AKR1E2: variants seen among roughly 807,000 people sequenced by gnomAD.
AKR1E2 encodes the protein 1,5-anhydro-D-fructose reductase.
AKR1E2 carries 43 observed loss-of-function variants against 41.9 expected under a neutral mutation model. That is an observed-to-expected ratio of 1.03 (90% confidence interval 0.80 to 1.32). AKR1E2 has a LOEUF of 1.32. AKR1E2 is among the 40% of genes most tolerant of loss of function. AKR1E2 has a pLI of 0.00. For missense variants in AKR1E2, 423 were observed against 396.5 expected, an observed-to-expected ratio of 1.07 and a Z score of -0.57; for synonymous variants, 121 against 138.9, an observed-to-expected ratio of 0.87 and a Z score of 0.91.
In AKR1E2 at chr10:4,833,480, GGTAGTTCGTTCT is replaced by G. The variant is rs1157211588; in HGVS notation, c.324+16_324+27del. The G allele has an allele frequency of 2.5e-6, 4 of 1,605,776 alleles. No individual in the cohort carries two copies. Among genetic ancestry groups the G allele is most frequent in the Non-Finnish European group, 3.4e-6 (4 of 1,172,400 alleles). ...ATGGGTTTCAAGGTACCGTTCAGTAGGTAGTTCGTTCTGCAGTTTGCAGGACCTTCCTCCCCG... is the reference window on the plus strand; with the variant it reads ...ATGGGTTTCAAGGTACCGTTCAGTAGGCAGTTTGCAGGACCTTCCTCCCCG... On this transcript the variant is annotated intron_variant, in intron 3 of 9. Transcript: ENST00000298375.
the AKR1E2 span, among the ~76,000 whole-genome samples, chr10:4,866,726 C>G: frequency 1.1e-4 from 16 of 150,462 alleles, no homozygotes; most frequent in Non-Finnish European, 2.4e-4. Flanking sequence ...CTGCAGGCTC[C>G]GGGAGCAGAG....
At chr10:4,836,298 C>T (rs1203560872) in intron 4 of AKR1E2, among the ~76,000 whole-genome samples, 4 of 152,060 alleles carry the variant, frequency 2.6e-5, no homozygotes, top group African/African-American at 7.2e-5. Flanking sequence ...AGTGTCAGCC[C>T]ATTTCCAGGG....
chr10:4,867,880 G>A, the AKR1E2 span, among the ~76,000 whole-genome samples: 2 of 152,102 alleles, frequency 1.3e-5, no homozygotes, highest in African/African-American at 2.4e-5. Flanking sequence ...TCTTTGTAAC[G>A]AAAACCTTGG....
At chr10:4,854,100 T>G in the AKR1E2 span, among the ~76,000 whole-genome samples, 2 of 150,624 alleles carry the variant, frequency 1.3e-5, no homozygotes, top group East Asian at 1.9e-4. Context: ...TTTTTTTTTT[T>G]TTTTTTTTTT....
chr10:4,865,493 G>C, the AKR1E2 span, among the ~76,000 whole-genome samples: 6 of 151,906 alleles, frequency 3.9e-5, no homozygotes, highest in Admixed American at 2.6e-4. Context: ...TAAATGAACA[G>C]GTAATTTTCA....
chr10:4,842,303 T>C (rs991128740), intron 7 of AKR1E2, 118 bp from the exon 8 acceptor site: 5 of 829,928 alleles, frequency 6.0e-6, no homozygotes, highest in South Asian at 3.2e-5. Flanking sequence ...CCAGTAACAA[T>C]AGCTGCTGTC....
chr10:4,858,670 T>C, the AKR1E2 span, among the ~76,000 whole-genome samples: 2 of 152,210 alleles, frequency 1.3e-5, no homozygotes, highest in African/African-American at 2.4e-5. Context: ...ATGTTCTATA[T>C]GGTGTTTCAA....
chr10:4,861,375 C>A, the AKR1E2 span, among the ~76,000 whole-genome samples: 1 of 152,000 alleles, frequency 6.6e-6, no homozygotes, highest in Non-Finnish European at 1.5e-5. Context: ...TCTTCTTCTT[C>A]TTTTTCTTTT....
the AKR1E2 span, among the ~76,000 whole-genome samples, chr10:4,853,944 C>T: frequency 6.6e-6 from 1 of 152,160 alleles, no homozygotes; most frequent in Admixed American, 6.5e-5. Context: ...CAGGGAGCTA[C>T]CCTATAGGGT....
chr10:4,844,052 T>G (rs923158846), intron 8 of AKR1E2, among the ~76,000 whole-genome samples: 1 of 152,172 alleles, frequency 6.6e-6, no homozygotes, highest in Admixed American at 6.5e-5. Context: ...GTGTCCGGAA[T>G]TGGTGGGTTC....
chr10:4,825,624 G>T (rs1353807416), upstream of AKR1E2, among the ~76,000 whole-genome samples: 1 of 152,240 alleles, frequency 6.6e-6, no homozygotes, highest in East Asian at 1.9e-4. Context: ...TTTTCCAAGG[G>T]CACAGTGGCT....
At chr10:4,833,318 C>T (rs373132929) in intron 2 of AKR1E2, 32 bp from the exon 3 acceptor site, 1 of 1,558,304 alleles carries the variant, frequency 6.4e-7, no homozygotes. Flanking sequence ...TCTGGGTGGG[C>T]ACGTGTGACG....
chr10:4,828,137 C>T (rs1655700771), intron 1 of AKR1E2, among the ~76,000 whole-genome samples: 1 of 152,216 alleles, frequency 6.6e-6, no homozygotes, highest in South Asian at 2.1e-4. Context: ...AACACCAGAC[C>T]TCAGTGGTGT....
At chr10:4,872,080 C>T in the AKR1E2 span, 1 of 152,180 alleles carries the variant, frequency 6.6e-6, no homozygotes, top group Non-Finnish European at 1.5e-5. Flanking sequence ...TAATAACATA[C>T]TATTGCATGA....
chr10:4,845,756 G>C (rs1588486523), intron 8 of AKR1E2: 1 of 471,174 alleles, frequency 2.1e-6, no homozygotes, highest in East Asian at 7.0e-5. Context: ...GCCCAGCTGA[G>C]ATGCCCCCAT....
the AKR1E2 span, among the ~76,000 whole-genome samples, chr10:4,855,974 C>T: frequency 1.3e-5 from 2 of 152,134 alleles, no homozygotes; most frequent in Admixed American, 6.5e-5. Context: ...AACAGTCAGC[C>T]CTTACCTGAA....
the AKR1E2 span, among the ~76,000 whole-genome samples, chr10:4,872,104 A>G: frequency 6.6e-6 from 1 of 152,202 alleles, no homozygotes; most frequent in African/African-American, 2.4e-5. Context: ...TGTTTTGAAT[A>G]CACTGTGGAA....
At chr10:4,867,348 A>G in the AKR1E2 span, among the ~76,000 whole-genome samples, 1 of 152,162 alleles carries the variant, frequency 6.6e-6, no homozygotes, top group Admixed American at 6.5e-5. Context: ...AATTTTTCAC[A>G]CATTCACGTT....
chr10:4,841,750 C>G (rs376688868), intron 6 of AKR1E2, 35 bp from the exon 7 acceptor site: 8 of 1,454,438 alleles, frequency 5.5e-6, no homozygotes, highest in Non-Finnish European at 7.4e-6. Context: ...CATGTTGGAT[C>G]TCCTGGCTCA....
Sources: gnomAD v4.1 joint callset for allele counts (sites outside exome capture counted in the v4.1 genomes callset) on GRCh38, gnomAD v4.1.1 for gene constraint, MANE v1.5 for transcripts, NCBI Gene and HGNC (gene_info 2026-07-23, HGNC 2026-07-21) for gene names.